The following OR14I1 variants were observed in gnomAD, a reference collection of about 807,000 sequenced individuals.
OR14I1 encodes olfactory receptor family 14 subfamily I member 1, also known as olfactory receptor 14I1.
For synonymous variants in OR14I1, 118 were observed against 71.1 expected (o/e 1.66, Z -3.32); for missense variants, 279 against 181.8 (o/e 1.53, Z -3.07).
the OR14I1 span, among the ~76,000 whole-genome samples, chr1:248,699,786 T>A: frequency 6.6e-6 from 1 of 152,028 alleles, no homozygotes; most frequent in African/African-American, 2.4e-5. Flanking sequence ...TGAGACAGAG[T>A]CTCGCTCTAT....
the OR14I1 span, among the ~76,000 whole-genome samples, chr1:248,702,215 C>A: frequency 0.057 from 8,672 of 152,190 alleles, 799 homozygotes; most frequent in African/African-American, 0.19. Flanking sequence ...TCAGGATTAA[C>A]TCAAAAGTCC....
the OR14I1 span, among the ~76,000 whole-genome samples, chr1:248,687,484 T>A: frequency 6.6e-6 from 1 of 152,208 alleles, no homozygotes; most frequent in Non-Finnish European, 1.5e-5. Context: ...GATGGGTAGA[T>A]CTCACTAAAT....
At chr1:248,700,610 T>C in the OR14I1 span, among the ~76,000 whole-genome samples, 1 of 152,222 alleles carries the variant, frequency 6.6e-6, no homozygotes, top group Non-Finnish European at 1.5e-5. Flanking sequence ...CATGACAACT[T>C]GTACTCCAGA....
the OR14I1 span, among the ~76,000 whole-genome samples, chr1:248,697,628 TA>T: frequency 6.6e-6 from 1 of 151,574 alleles, no homozygotes; most frequent in African/African-American, 2.4e-5. Flanking sequence ...CTACTAAAAA[TA>T]CAAAATTGGC....
At chr1:248,691,408 G>T in the OR14I1 span, among the ~76,000 whole-genome samples, 1 of 152,178 alleles carries the variant, frequency 6.6e-6, no homozygotes, top group Non-Finnish European at 1.5e-5. Context: ...TGACTTGGAG[G>T]GTATTGGTAG....
At chr1:248,685,070 T>C (rs2103134782), upstream of OR14I1, among the ~76,000 whole-genome samples, 1 of 152,236 alleles carries the variant, frequency 6.6e-6, no homozygotes, top group South Asian at 2.1e-4. Context: ...TTGTGTGTTA[T>C]AAATTGCTTT....
the OR14I1 span, among the ~76,000 whole-genome samples, chr1:248,697,833 CTGT>C: frequency 9.2e-3 from 1,399 of 152,208 alleles, 26 homozygotes; most frequent in African/African-American, 0.032. Flanking sequence ...CTTTTTTCCT[CTGT>C]TGTTGTTGTT....
At chr1:248,678,182 A>G (rs1661506157), downstream of OR14I1, among the ~76,000 whole-genome samples, 2 of 152,350 alleles carry the variant, frequency 1.3e-5, no homozygotes, top group Admixed American at 1.3e-4. Flanking sequence ...GAGCTACTAC[A>G]TAATGACAAA....
chr1:248,691,576 T>G, the OR14I1 span, among the ~76,000 whole-genome samples: 2 of 152,318 alleles, frequency 1.3e-5, no homozygotes, highest in Middle Eastern at 3.4e-3. Flanking sequence ...CTCCTCCAAG[T>G]TCTTCCAATC....
chr1:248,683,564 G>T (rs750828732), upstream of OR14I1, among the ~76,000 whole-genome samples: 3 of 152,110 alleles, frequency 2.0e-5, no homozygotes, highest in African/African-American at 4.8e-5. Flanking sequence ...TATAAGACAG[G>T]TAGAACCTAT....
At chr1:248,700,540 A>T in the OR14I1 span, among the ~76,000 whole-genome samples, 1 of 152,242 alleles carries the variant, frequency 6.6e-6, no homozygotes, top group East Asian at 1.9e-4. Context: ...AATACATTTT[A>T]ATCCTTTATG....
At chr1:248,700,301 G>A in the OR14I1 span, among the ~76,000 whole-genome samples, 1 of 152,188 alleles carries the variant, frequency 6.6e-6, no homozygotes, top group Non-Finnish European at 1.5e-5. Context: ...CAAAGTGAAA[G>A]ACCTCCAATT....
downstream of OR14I1, among the ~76,000 whole-genome samples, chr1:248,678,548 G>A (rs1166333286): frequency 2.6e-5 from 4 of 152,070 alleles, no homozygotes; most frequent in Admixed American, 2.6e-4. Context: ...AAGTCTCAAA[G>A]GAAAATGTTA....
At chr1:248,679,646 C>A (rs530274832), downstream of OR14I1, among the ~76,000 whole-genome samples, 1 of 152,082 alleles carries the variant, frequency 6.6e-6, no homozygotes, top group Non-Finnish European at 1.5e-5. Flanking sequence ...AACACTCACA[C>A]CTGCTCTGGT....
In OR14I1 at chr1:248,681,895, C is replaced by G. The variant is rs779075332; in HGVS notation, c.410G>C (p.Gly137Ala). 4 of 780,894 alleles carry G rather than the reference C, an allele frequency of 5.1e-6. No homozygotes were observed. The East Asian group carries it at 9.7e-5, about 19-fold the overall frequency. 48.4% of individuals were successfully genotyped at this position (780,894 alleles called of 1,614,324 possible). Residue 137 changes from glycine (G) to alanine (A), a missense_variant, in exon 1 of 1, where the codon GGA (glycine) becomes GCA (alanine). Gly to Ala is a moderately conservative substitution (Grantham distance 60). Coordinates refer to ENST00000342623, the Ensembl canonical transcript of OR14I1. ...GGTGACTGCCATCTGATAGCACCCTCCTGATGTCATCACGGCTCTGTATTG... is the reference window on the plus strand; with the variant it reads ...GGTGACTGCCATCTGATAGCACCCTGCTGATGTCATCACGGCTCTGTATTG...
At chr1:248,685,080 T>C (rs938264197), upstream of OR14I1, among the ~76,000 whole-genome samples, 9 of 151,962 alleles carry the variant, frequency 5.9e-5, 1 homozygote, top group Non-Finnish European at 1.2e-4. Context: ...TAAATTGCTT[T>C]TATATTTTAT....
At chr1:248,685,526 CT>C (rs1169218966), upstream of OR14I1, among the ~76,000 whole-genome samples, 1 of 152,064 alleles carries the variant, frequency 6.6e-6, no homozygotes, top group African/African-American at 2.4e-5. Context: ...ATGTAAAATT[CT>C]ACAAAACTGC....
At chr1:248,685,125 GCTCT>G (rs570233706), upstream of OR14I1, among the ~76,000 whole-genome samples, 1 of 151,486 alleles carries the variant, frequency 6.6e-6, no homozygotes, top group Non-Finnish European at 1.5e-5. Flanking sequence ...AGTGAAAAAA[GCTCT>G]CTTTTTTCCA....
upstream of OR14I1, among the ~76,000 whole-genome samples, chr1:248,684,724 G>C (rs1661614683): frequency 6.8e-6 from 1 of 147,258 alleles, no homozygotes; most frequent in African/African-American, 2.6e-5. Context: ...CATTCAAATT[G>C]TGCAGTGCAT....
Sources: gnomAD v4.1 joint callset for allele counts (sites outside exome capture counted in the v4.1 genomes callset) on GRCh38, gnomAD v4.1.1 for gene constraint, MANE v1.5 for transcripts, NCBI Gene and HGNC (gene_info 2026-07-23, HGNC 2026-07-21) for gene names.